The following SEC31A variants were observed in gnomAD, a reference collection of about 807,000 sequenced individuals.
SEC31A encodes SEC31 homolog A, COPII component, also known as protein transport protein Sec31A.
A neutral mutation model predicts 151.0 loss-of-function variants in SEC31A; 70 were observed. That is an observed-to-expected ratio of 0.46 (90% confidence interval 0.38 to 0.57). The LOEUF (loss-of-function observed/expected upper bound fraction) is 0.57. SEC31A is among the 20% of genes least tolerant of loss of function. The probability of loss-of-function intolerance (pLI) is 0.00; values close to 1 mark genes in which losing one functional copy is unlikely to be tolerated. For synonymous variants in SEC31A, 475 were observed against 505.9 expected (o/e 0.94, Z 0.82); for missense variants, 1,330 against 1,471.2 (o/e 0.90, Z 1.57).
chr4:82,840,260 C>T (rs1240853635), intron 22 of SEC31A, among the ~76,000 whole-genome samples: 1 of 152,100 alleles, frequency 6.6e-6, no homozygotes, highest in Non-Finnish European at 1.5e-5. Context: ...TGTTAATTCC[C>T]TTCCCTACTT....
intron 18 of SEC31A, 79 bp downstream of exon 18, chr4:82,853,491 C>T (rs1220824807): frequency 1.6e-6 from 2 of 1,220,694 alleles, no homozygotes; most frequent in East Asian, 2.7e-5. Context: ...AAAAAATGAA[C>T]TTATAGATTA....
intron 20 of SEC31A, chr4:82,845,430 C>A: frequency 4.4e-6 from 2 of 451,414 alleles, no homozygotes; most frequent in South Asian, 5.3e-5. Flanking sequence ...ATTAGTCAGG[C>A]AACTGCTTTC....
At chr4:82,862,473 C>A in intron 13 of SEC31A, 61 bp downstream of exon 13, 3 of 1,248,056 alleles carry the variant, frequency 2.4e-6, no homozygotes, top group Non-Finnish European at 3.5e-6. Flanking sequence ...AATGATATTT[C>A]CTTCTTCGTT....
At chr4:82,879,023 A>G (rs1288659688) in intron 3 of SEC31A, 95 bp from the exon 4 acceptor site, 15 of 878,704 alleles carry the variant, frequency 1.7e-5, no homozygotes, top group South Asian at 1.3e-4. Flanking sequence ...ATGTTTTCAT[A>G]AACAATCCAA....
upstream of SEC31A, chr4:82,900,563 C>A (rs1332838565): frequency 5.5e-6 from 3 of 547,250 alleles, no homozygotes; most frequent in Non-Finnish European, 9.7e-6. Context: ...GAGGAGCGGT[C>A]AAATGCACGT....
At chr4:82,878,589 A>T in intron 4 of SEC31A, 141 bp downstream of exon 4, 1 of 647,540 alleles carries the variant, frequency 1.5e-6, no homozygotes, top group Non-Finnish European at 2.7e-6. Context: ...TGAACCCACC[A>T]TTCTTTAAAC....
intron 4 of SEC31A, chr4:82,877,428 C>G (rs6849093): frequency 0.74 from 111,604 of 150,334 alleles, 41,784 homozygotes; most frequent in Admixed American, 0.8. Context: ...ACCCAGGTTG[C>G]AGTGCAGTGG....
chr4:82,821,629 G>C (rs1723384107), intron 25 of SEC31A, among the ~76,000 whole-genome samples: 1 of 151,876 alleles, frequency 6.6e-6, no homozygotes, highest in Non-Finnish European at 1.5e-5. Flanking sequence ...GGAGGGTGGA[G>C]GGGACTGGGA....
chr4:82,855,127 G>A (rs752431324), intron 16 of SEC31A, 98 bp from the exon 17 acceptor site: 2 of 1,006,130 alleles, frequency 2.0e-6, no homozygotes, highest in Non-Finnish European at 2.8e-6. Flanking sequence ...CATGCCAAAT[G>A]CAGCAGCAAA....
chr4:82,876,107 C>CTTTT (rs200156848), intron 4 of SEC31A, among the ~76,000 whole-genome samples: 4 of 127,208 alleles, frequency 3.1e-5, no homozygotes, highest in African/African-American at 5.7e-5. Context: ...TGGATAAATT[C>CTTTT]TTTTTTTTTT....
At chr4:82,859,791 A>ATTT (rs11319185) in intron 14 of SEC31A, among the ~76,000 whole-genome samples, 2 of 140,448 alleles carry the variant, frequency 1.4e-5, no homozygotes, top group South Asian at 2.2e-4. Context: ...GCATAAAAAT[A>ATTT]TTTTTTTTTT....
At chr4:82,822,376 C>G (rs557962391) in intron 25 of SEC31A, among the ~76,000 whole-genome samples, 1 of 152,220 alleles carries the variant, frequency 6.6e-6, no homozygotes, top group East Asian at 1.9e-4. Context: ...GAGCAGAGGC[C>G]TTGAACTTGG....
chr4:82,892,790 C>G (rs74403285), upstream of SEC31A, among the ~76,000 whole-genome samples: 2,747 of 152,192 alleles, frequency 0.018, 37 homozygotes, highest in Non-Finnish European at 0.028. Flanking sequence ...AAAATTTATG[C>G]AAGTTTTCTC....
At chr4:82,874,562 C>A (rs767550151) in intron 6 of SEC31A, 49 bp downstream of exon 6, 50 of 1,518,682 alleles carry the variant, frequency 3.3e-5, no homozygotes, top group Non-Finnish European at 4.4e-5. Context: ...TATAGGAATA[C>A]CTACAGCAGA....
chr4:82,857,331 C>T (rs1478306597), intron 15 of SEC31A, among the ~76,000 whole-genome samples: 1 of 118,350 alleles, frequency 8.4e-6, no homozygotes, highest in African/African-American at 2.6e-5. Flanking sequence ...GAGATAAATA[C>T]AAAATAATAC....
At chr4:82,857,263 G>A in intron 15 of SEC31A, 133 bp from the exon 16 acceptor site, 1 of 724,950 alleles carries the variant, frequency 1.4e-6, no homozygotes, top group Non-Finnish European at 2.3e-6. Context: ...GATTACTAGT[G>A]GATTAATTTC....
upstream of SEC31A, among the ~76,000 whole-genome samples, chr4:82,892,728 CT>C (rs34275304): frequency 0.25 from 38,074 of 151,796 alleles, 5,311 homozygotes; most frequent in East Asian, 0.49. Context: ...TGATGCACAT[CT>C]TTTTTTTGGG....
At chr4:82,828,485 TA>T (rs1363152398) in intron 23 of SEC31A, among the ~76,000 whole-genome samples, 2 of 151,922 alleles carry the variant, frequency 1.3e-5, no homozygotes, top group Non-Finnish European at 2.9e-5. Flanking sequence ...GGAATTTTTT[TA>T]AAAGTAAAAA....
rs201584673 is a variant in SEC31A at position 82,878,744 on chromosome 4, C to T, written c.388G>A (p.Val130Met). 23 of 1,613,588 alleles carry T rather than the reference C, an allele frequency of 1.4e-5. No individual in the cohort carries two copies. Among genetic ancestry groups the T allele is most frequent in the Non-Finnish European group, 1.9e-5 (22 of 1,179,624 alleles). ...KHTGPVRALD[V>M]NIFQTNLVAS... The stretch of plus-strand genomic sequence containing the variant: ...AAAGTCTTAACCTGGAAAATGTTCA[C>T]ATCCAAGGCTCTCACTGGGCCAGTA... The change falls in exon 4 of 27, where the codon GTG becomes ATG. Residue 130 changes from valine to methionine, a missense_variant. Coordinates refer to ENST00000395310, the MANE Select transcript of SEC31A (RefSeq NM_001077207.4).
Sources: allele counts gnomAD v4.1 joint callset (sites outside exome capture counted in the v4.1 genomes callset), GRCh38; gene constraint gnomAD v4.1.1; transcripts MANE v1.5; gene names NCBI Gene and HGNC (gene_info 2026-07-23, HGNC 2026-07-21).